RAB30: variants seen among roughly 807,000 people sequenced by gnomAD.
RAB30 encodes the protein ras-related protein Rab-30.
RAB30 carries 9 observed loss-of-function variants against 25.1 expected under a neutral mutation model. The observed-to-expected ratio is 0.36, with a 90% CI of 0.22 to 0.63. RAB30 has a LOEUF of 0.63. Ranked by LOEUF, RAB30 falls within the 20% of genes least tolerant of loss-of-function variation. The pLI, the probability that RAB30 is intolerant of heterozygous loss-of-function variation, is 0.69. For missense variants in RAB30, 140 were observed against 243.5 expected (o/e 0.58, Z 2.83); for synonymous variants, 77 against 86.4 (o/e 0.89, Z 0.60).
In RAB30 at chr11:82,980,743, C is replaced by A. The variant is rs1161811587; in HGVS notation, c.*1422G>T. ...CAGCAGCACATCTCCCATTTTGAGT[C>A]CTGTTTTTAAATTGGCTAAGTAAAG... is the stretch of plus-strand genomic sequence containing the variant. On this transcript the variant is annotated 3_prime_UTR_variant, in exon 5 of 5. Transcript: ENST00000527633. 1 of 151,700 alleles carries A rather than the reference C, an allele frequency of 6.6e-6. No individual in the cohort carries two copies. Among genetic ancestry groups the A allele is most frequent in the Non-Finnish European group, 1.5e-5 (1 of 67,966 alleles). The allele number at this position is 151,700 out of a possible 1,614,324, so 9.4% of individuals were successfully genotyped here.
At chr11:83,006,281 T>C (rs1857183788) in intron 1 of RAB30, among the ~76,000 whole-genome samples, 1 of 152,344 alleles carries the variant, frequency 6.6e-6, no homozygotes, top group African/African-American at 2.4e-5. Context: ...ATTACAACAG[T>C]ATTTGGAATA....
intron 1 of RAB30, among the ~76,000 whole-genome samples, chr11:83,018,297 CAA>C (rs904843218): frequency 0.055 from 3,731 of 68,366 alleles, 151 homozygotes; most frequent in African/African-American, 0.16. Flanking sequence ...GACTCCATCT[CAA>C]AAAAAAAAAA....
intron 1 of RAB30, among the ~76,000 whole-genome samples, chr11:83,015,737 G>GTT (rs1857421250): frequency 6.6e-6 from 1 of 152,204 alleles, no homozygotes; most frequent in African/African-American, 2.4e-5. Context: ...AGGGAAGAAG[G>GTT]TGACTGAAGA....
chr11:83,023,302 G>A (rs767052209), intron 1 of RAB30, among the ~76,000 whole-genome samples: 8 of 152,104 alleles, frequency 5.3e-5, no homozygotes, highest in Non-Finnish European at 1.2e-4. Flanking sequence ...ATAAAACACT[G>A]TCTCCTAATT....
chr11:83,012,049 C>T (rs536709213), intron 1 of RAB30, among the ~76,000 whole-genome samples: 2 of 152,198 alleles, frequency 1.3e-5, no homozygotes, highest in South Asian at 4.2e-4. Context: ...GAGTGTGATA[C>T]TTTTGTGCTT....
intron 2 of RAB30, 48 bp from the exon 3 acceptor site, chr11:82,994,170 A>T (rs1198663766): frequency 6.6e-7 from 1 of 1,511,236 alleles, no homozygotes; most frequent in Non-Finnish European, 9.2e-7. Context: ...TATTTCCATT[A>T]AATGAAATTT....
rs1201663892 is a variant in RAB30, at chr11:82,976,778, G to A, written c.*5387C>T. 1 of 152,172 alleles carries A rather than the reference G, an allele frequency of 6.6e-6. No homozygotes were observed. The highest frequency in any genetic ancestry group is 1.9e-4 in the East Asian group (1 of 5,198). The allele number at this position is 152,172 out of a possible 1,614,324, so 9.4% of individuals were successfully genotyped here. ...GAAGAGCCGTCTATCAGCCTTGCAAGGGTGAAAGTTATTTTGCAGGTGGAA... is the reference window on the plus strand; with the variant it reads ...GAAGAGCCGTCTATCAGCCTTGCAAAGGTGAAAGTTATTTTGCAGGTGGAA... On this transcript the variant is annotated 3_prime_UTR_variant, in exon 5 of 5. Transcript: ENST00000527633.
intron 1 of RAB30, among the ~76,000 whole-genome samples, chr11:83,068,208 G>C (rs1047607442): frequency 7.3e-5 from 11 of 151,404 alleles, no homozygotes; most frequent in African/African-American, 2.4e-4. Flanking sequence ...TGAGGCAGGA[G>C]AACTGCTTGA....
intron 1 of RAB30, among the ~76,000 whole-genome samples, chr11:82,999,495 C>T (rs573308712): frequency 6.6e-6 from 1 of 152,268 alleles, no homozygotes; most frequent in East Asian, 1.9e-4. Context: ...AATGGGAGCC[C>T]CTAAGGGCAG....
chr11:83,047,131 G>T (rs1858251850), intron 1 of RAB30, among the ~76,000 whole-genome samples: 1 of 152,138 alleles, frequency 6.6e-6, no homozygotes, highest in Non-Finnish European at 1.5e-5. Flanking sequence ...TCTACCAAGG[G>T]GGCAAGTTGG....
intron 1 of RAB30, among the ~76,000 whole-genome samples, chr11:83,015,162 T>G (rs535518624): frequency 6.6e-6 from 1 of 152,184 alleles, no homozygotes; most frequent in African/African-American, 2.4e-5. Context: ...ATTTTTAAAA[T>G]TTTTTTCTAG....
Position 83,045,359 on chromosome 11 carries a change from G to A in RAB30, c.-9+26332C>T, listed in dbSNP as rs149673047. Among the ~76,000 whole-genome samples, 15 of 152,082 alleles carry A rather than the reference G, an allele frequency of 9.9e-5. No individual in the cohort carries two copies. In the East Asian group the frequency reaches 2.7e-3, roughly 27 times the overall value. ...TTGCCCAAGCTGGTCTCGAACTCCT[G>A]AGCTAAAACGACCCTCCTGCCTTGA... On this transcript the variant is annotated intron_variant, in intron 1 of 4. Transcript: ENST00000527633.
intron 1 of RAB30, among the ~76,000 whole-genome samples, chr11:83,012,316 A>G (rs565399696): frequency 6.6e-6 from 1 of 152,304 alleles, no homozygotes; most frequent in South Asian, 2.1e-4. Flanking sequence ...CAGCCTCTCC[A>G]AAGAACTAAT....
intron 1 of RAB30, among the ~76,000 whole-genome samples, chr11:83,056,734 C>T (rs1182278373): frequency 6.6e-6 from 1 of 152,138 alleles, no homozygotes; most frequent in Non-Finnish European, 1.5e-5. Flanking sequence ...GTCATACGAT[C>T]TTAGGCATGC....
In RAB30 at chr11:82,974,633, G is replaced by C. The variant is rs903051580; in HGVS notation, c.*7532C>G. ...TCAAGAATCGAGTTCATAAAACTCA[G>C]TGATTAACCTGTTTATTAGTTAAAA... is the stretch of plus-strand genomic sequence containing the variant. On this transcript the variant is annotated 3_prime_UTR_variant, in exon 5 of 5. Transcript: ENST00000527633. 1 of 152,126 alleles carries C rather than the reference G, an allele frequency of 6.6e-6. No individual in the cohort carries two copies. The highest frequency in any genetic ancestry group is 2.4e-5 in the African/African-American group (1 of 41,434). 9.4% of individuals were successfully genotyped at this position (152,126 alleles called of 1,614,324 possible). A position where few individuals can be genotyped will look rare whatever the true frequency, so the allele number is the denominator to read the frequency against.
At position 82,979,834 on chromosome 11, in the gene RAB30, G is replaced by A. The variant is rs1448856834; in HGVS notation, c.*2331C>T. On this transcript the variant is annotated 3_prime_UTR_variant, in exon 5 of 5. Coordinates refer to ENST00000527633, the MANE Select transcript of RAB30 (RefSeq NM_001286060.2). ...GGGAGGAGCAACAAGGAAGATAGAG[G>A]CCAAGACCAGAGCTTTTTAATCCCC... is the stretch of plus-strand genomic sequence containing the variant. 2 of 152,206 alleles carry A rather than the reference G, an allele frequency of 1.3e-5. No homozygotes were observed. The highest frequency in any genetic ancestry group is 2.9e-5 in the Non-Finnish European group (2 of 68,072). 9.4% of individuals were successfully genotyped at this position (152,206 alleles called of 1,614,324 possible).
rs574777419 is a variant in RAB30 at position 83,051,455 on chromosome 11, G to A, written c.-9+20236C>T. 1.1e-4 allele frequency among the ~76,000 whole-genome samples: 16 copies of A among 152,126 alleles called. No homozygotes were observed. The South Asian group carries it at 3.1e-3, about 30-fold the overall frequency. On this transcript the variant is annotated intron_variant, in intron 1 of 4. Transcript: ENST00000527633. ...CTCTCTTTACCCCAATTAGAGTTGG[G>A]TTGCTTCCGTCCATAACTTAAAGAG...
At chr11:83,053,316 T>C (rs887788883) in intron 1 of RAB30, among the ~76,000 whole-genome samples, 16 of 152,168 alleles carry the variant, frequency 1.1e-4, no homozygotes, top group Non-Finnish European at 1.5e-5. Context: ...GTGGGGAGGA[T>C]CAAATAAAAT....
At position 82,980,371 on chromosome 11, in the gene RAB30, T is replaced by C. The variant is rs1332514274; in HGVS notation, c.*1794A>G. 2.0e-4 allele frequency: 30 copies of C among 152,190 alleles called. No individual in the cohort carries two copies. The highest frequency in any genetic ancestry group is 2.0e-3 in the Admixed American group (30 of 15,274). 9.4% of individuals were successfully genotyped at this position (152,190 alleles called of 1,614,324 possible). ...AAAAGTATCAGCCCCTTAAAAAATA[T>C]GCATAATCTCATGTGCAAGACACTG... is the stretch of plus-strand genomic sequence containing the variant. On this transcript the variant is annotated 3_prime_UTR_variant, in exon 5 of 5. Coordinates refer to ENST00000527633, the MANE Select transcript of RAB30 (RefSeq NM_001286060.2).
Sources: gnomAD v4.1 joint callset for allele counts (sites outside exome capture counted in the v4.1 genomes callset) on GRCh38, gnomAD v4.1.1 for gene constraint, MANE v1.5 for transcripts, NCBI Gene and HGNC (gene_info 2026-07-23, HGNC 2026-07-21) for gene names.